Variants in FSTL5 observed in about 807,000 individuals in gnomAD.
FSTL5 encodes the protein follistatin-related protein 5.
FSTL5 carries 62 observed loss-of-function variants against 89.1 expected under a neutral mutation model. That is an observed-to-expected ratio of 0.70 (90% CI 0.57 to 0.86). The LOEUF (loss-of-function observed/expected upper bound fraction) is 0.86, where lower values mean the gene tolerates loss of function less well. Ranked by LOEUF, FSTL5 falls within the 40% of genes least tolerant of loss-of-function variation. The probability of loss-of-function intolerance (pLI) is 0.00; values close to 1 mark genes in which losing one functional copy is unlikely to be tolerated. For synonymous variants in FSTL5, 383 were observed against 346.2 expected, an observed-to-expected ratio of 1.11 and a Z score of -1.18; for missense variants, 1,057 against 1,001.6, an observed-to-expected ratio of 1.06 and a Z score of -0.75.
rs13435576 is a variant in FSTL5 at position 161,413,624 on chromosome 4, T to C, written c.1842-27175A>G. ...ATCATACCAAAAAGACATGAACTCATATGTTTATTACTGTGCTATTTATAA... is the reference window on the plus strand; with the variant it reads ...ATCATACCAAAAAGACATGAACTCACATGTTTATTACTGTGCTATTTATAA... On this transcript the variant is annotated intron_variant, in intron 15 of 15. Transcript: ENST00000306100. Among the ~76,000 whole-genome samples the C allele has an allele frequency of 6.2e-3, 949 of 152,270 alleles. 5 individuals carry two copies. Among genetic ancestry groups the C allele is most frequent in the African/African-American group, 0.021 (870 of 41,554 alleles).
chr4:162,110,685 T>A (rs923196534), intron 2 of FSTL5, among the ~76,000 whole-genome samples: 3 of 151,638 alleles, frequency 2.0e-5, no homozygotes, highest in African/African-American at 4.8e-5. Context: ...TAATTTATTA[T>A]AAGTATTTAA....
chr4:161,629,398 G>A (rs956777712), intron 7 of FSTL5, among the ~76,000 whole-genome samples: 4 of 151,880 alleles, frequency 2.6e-5, no homozygotes, highest in African/African-American at 9.7e-5. Flanking sequence ...GCTGGAGTGC[G>A]ATGGCATGAT....
intron 8 of FSTL5, among the ~76,000 whole-genome samples, chr4:161,566,101 T>TAA (rs1732797887): frequency 8.4e-5 from 1 of 11,876 alleles, no homozygotes; most frequent in African/African-American, 4.1e-4. Context: ...TTTTTTGGAC[T>TAA]ATATATATAT....
At chr4:161,925,979 A>G (rs1257891756) in intron 3 of FSTL5, among the ~76,000 whole-genome samples, 2 of 151,986 alleles carry the variant, frequency 1.3e-5, no homozygotes, top group Admixed American at 1.3e-4. Context: ...AGAATTAAGT[A>G]TAATATTTTG....
intron 2 of FSTL5, among the ~76,000 whole-genome samples, chr4:162,038,796 T>G (rs1168810579): frequency 4.0e-5 from 6 of 151,836 alleles, no homozygotes; most frequent in Admixed American, 3.9e-4. Context: ...TCCTTCCTTC[T>G]CACTGAGAAG....
chr4:161,542,699 G>T lies in FSTL5; in HGVS notation c.1016-6C>A. ...CACCCGGATGACTGGAGGAACTAAA[G>T]GAAAAAATGAAAGAGAAAGTGAATT... On this transcript the variant is annotated splice_region_variant and splice_polypyrimidine_tract_variant and intron_variant, in intron 8 of 15. Coordinates refer to ENST00000306100, the MANE Select transcript of FSTL5 (RefSeq NM_020116.5). 1 of 1,420,654 alleles carries T rather than the reference G, an allele frequency of 7.0e-7. No homozygotes were observed. Among genetic ancestry groups the T allele is most frequent in the Non-Finnish European group, 9.3e-7 (1 of 1,079,652 alleles). The allele number at this position is 1,420,654 out of a possible 1,614,324, so 88.0% of individuals were successfully genotyped here. A position where few individuals can be genotyped will look rare whatever the true frequency, so the allele number is the denominator to read the frequency against.
chr4:161,785,131 T>C (rs1741850923), intron 4 of FSTL5, among the ~76,000 whole-genome samples: 1 of 152,116 alleles, frequency 6.6e-6, no homozygotes, highest in Non-Finnish European at 1.5e-5. Context: ...ACATTCGACT[T>C]TACGTGAAGA....
At chr4:161,464,185 C>T (rs1475334683) in intron 13 of FSTL5, among the ~76,000 whole-genome samples, 6 of 152,152 alleles carry the variant, frequency 3.9e-5, no homozygotes, top group African/African-American at 1.4e-4. Context: ...CTGGCCTTAC[C>T]TGAACTGACA....
At chr4:161,901,453 C>A (rs1278290241) in intron 4 of FSTL5, among the ~76,000 whole-genome samples, 1 of 152,040 alleles carries the variant, frequency 6.6e-6, no homozygotes, top group East Asian at 1.9e-4. Flanking sequence ...AAGAGTGATG[C>A]AAGATACAGA....
At chr4:162,075,807 C>T (rs896677274) in intron 2 of FSTL5, among the ~76,000 whole-genome samples, 9 of 151,780 alleles carry the variant, frequency 5.9e-5, no homozygotes, top group East Asian at 5.9e-4. Context: ...AAGTGGTGAT[C>T]GGTTAAAAAC....
chr4:162,107,971 A>G (rs1731287019), intron 2 of FSTL5, among the ~76,000 whole-genome samples: 1 of 152,178 alleles, frequency 6.6e-6, no homozygotes, highest in Non-Finnish European at 1.5e-5. Context: ...AATGTATATG[A>G]AACCACCTAG....
intron 6 of FSTL5, among the ~76,000 whole-genome samples, chr4:161,754,993 T>C (rs1309635412): frequency 2.6e-5 from 4 of 152,094 alleles, no homozygotes; most frequent in Non-Finnish European, 5.9e-5. Flanking sequence ...GAACACACTT[T>C]ACTGAATATA....
rs564935461 is a variant in FSTL5 at position 161,816,019 on chromosome 4, C to T, written c.410-39945G>A. Among the ~76,000 whole-genome samples, 8 of 152,312 alleles carry T rather than the reference C, an allele frequency of 5.3e-5. No individual in the cohort carries two copies. In the South Asian group the frequency reaches 1.7e-3, roughly 32 times the overall value. ...CAGCTTGTATGGAACACACAGTTAA[C>T]TACACAGAACATTAGAAAATTGGCA... On this transcript the variant is annotated intron_variant, in intron 4 of 15. Coordinates refer to ENST00000306100, the MANE Select transcript of FSTL5 (RefSeq NM_020116.5).
intron 4 of FSTL5, among the ~76,000 whole-genome samples, chr4:161,817,620 A>C (rs1384691234): frequency 6.6e-6 from 1 of 152,198 alleles, no homozygotes; most frequent in Non-Finnish European, 1.5e-5. Context: ...TGAGTATTTA[A>C]TACTATTTTT....
At chr4:161,473,190 TCTA>T (rs760334199) in intron 13 of FSTL5, among the ~76,000 whole-genome samples, 1 of 152,170 alleles carries the variant, frequency 6.6e-6, no homozygotes, top group African/African-American at 2.4e-5. Flanking sequence ...TGATAAGTCC[TCTA>T]CTCCCTTTAT....
At position 161,777,429 on chromosome 4, in the gene FSTL5, A is replaced by T. The variant is rs116201667; in HGVS notation, c.410-1355T>A. Among the ~76,000 whole-genome samples, 503 of 151,988 alleles carry T rather than the reference A, an allele frequency of 3.3e-3. 5 individuals are homozygous for T. The highest frequency in any genetic ancestry group is 0.011 in the African/African-American group (467 of 41,476). ...ATATCCAGCAGTGGGATTGCCTGTA[A>T]ACTGCTGGTGGGAATGTAAATTAGT... On this transcript the variant is annotated intron_variant, in intron 4 of 15. Transcript: ENST00000306100.
At chr4:162,030,485 C>T (rs1737479431) in intron 3 of FSTL5, among the ~76,000 whole-genome samples, 1 of 151,998 alleles carries the variant, frequency 6.6e-6, no homozygotes, top group Admixed American at 6.6e-5. Context: ...AAAAAACATA[C>T]TTTATTTTTA....
chr4:161,718,055 T>C (rs1038585372), intron 6 of FSTL5, among the ~76,000 whole-genome samples: 1 of 152,160 alleles, frequency 6.6e-6, no homozygotes, highest in African/African-American at 2.4e-5. Context: ...GTCTATAAAA[T>C]TCAACTGGTA....
At chr4:161,839,965 TA>T (rs989217480) in intron 4 of FSTL5, among the ~76,000 whole-genome samples, 6 of 152,172 alleles carry the variant, frequency 3.9e-5, no homozygotes, top group Non-Finnish European at 1.5e-5. Context: ...AAGGCTGGAA[TA>T]TTGAGTGACA....
Sources: allele counts gnomAD v4.1 joint callset (sites outside exome capture counted in the v4.1 genomes callset), GRCh38; gene constraint gnomAD v4.1.1; transcripts MANE v1.5; gene names NCBI Gene and HGNC (gene_info 2026-07-23, HGNC 2026-07-21).